The following SLC44A5 variants were observed in gnomAD, a reference collection of about 807,000 sequenced individuals.
SLC44A5 encodes the protein solute carrier family 44 member 5.
SLC44A5 carries 57 observed loss-of-function variants against 101.8 expected under a neutral mutation model. That is an observed-to-expected ratio of 0.56 (90% CI 0.45 to 0.70). SLC44A5 has a LOEUF of 0.70. Among genes scored for constraint, SLC44A5 ranks in the 30% least tolerant of loss-of-function variants. SLC44A5 has a pLI of 0.00. For synonymous variants in SLC44A5, 281 were observed against 290.9 expected (o/e 0.97, Z 0.35); for missense variants, 737 against 853.1 (o/e 0.86, Z 1.70).
chr1:75,411,025 G>A (rs531482373), intron 2 of SLC44A5, among the ~76,000 whole-genome samples: 2 of 152,174 alleles, frequency 1.3e-5, no homozygotes, highest in Admixed American at 1.3e-4. Flanking sequence ...AAATTAAAAC[G>A]TGATGATCAA....
intron 4 of SLC44A5, among the ~76,000 whole-genome samples, chr1:75,331,944 C>CTACAAAG (rs1206396485): frequency 2.0e-5 from 3 of 152,194 alleles, no homozygotes; most frequent in East Asian, 3.8e-4. Context: ...TTCCCCTCCC[C>CTACAAAG]TACAAAGGCC....
chr1:75,250,835 T>C (rs77116405), intron 7 of SLC44A5, among the ~76,000 whole-genome samples: 12,643 of 152,126 alleles, frequency 0.083, 686 homozygotes, highest in Middle Eastern at 0.15. Flanking sequence ...GGTCAAAAAA[T>C]AAATGTTATT....
the SLC44A5 span, among the ~76,000 whole-genome samples, chr1:75,617,418 T>C: frequency 6.6e-6 from 1 of 152,314 alleles, no homozygotes; most frequent in Admixed American, 6.5e-5. Flanking sequence ...TGTAACTTCG[T>C]AGCTCTGAGA....
At chr1:75,209,321 T>A (rs1248042070) in intron 23 of SLC44A5, among the ~76,000 whole-genome samples, 1 of 152,206 alleles carries the variant, frequency 6.6e-6, no homozygotes, top group Admixed American at 6.5e-5. Flanking sequence ...CATAAGTATT[T>A]TCAGCTACAA....
intron 2 of SLC44A5, among the ~76,000 whole-genome samples, chr1:75,481,365 C>T (rs1667834959): frequency 1.3e-5 from 2 of 152,124 alleles, no homozygotes; most frequent in East Asian, 3.9e-4. Flanking sequence ...ATATCTAAAA[C>T]ACCAAAAGCA....
At chr1:75,373,521 C>G (rs149346227) in intron 3 of SLC44A5, among the ~76,000 whole-genome samples, 1 of 152,174 alleles carries the variant, frequency 6.6e-6, no homozygotes, top group Admixed American at 6.5e-5. Context: ...CAAGGTGGCA[C>G]GTGGTGCAGC....
chr1:75,609,424 T>G (rs1205053855), intron 1 of SLC44A5, among the ~76,000 whole-genome samples: 1 of 152,084 alleles, frequency 6.6e-6, no homozygotes, highest in African/African-American at 2.4e-5. Context: ...ATTCATTACC[T>G]TACATTCTTA....
intron 1 of SLC44A5, among the ~76,000 whole-genome samples, chr1:75,555,458 A>G (rs1672166612): frequency 1.3e-5 from 2 of 152,022 alleles, no homozygotes; most frequent in Admixed American, 6.6e-5. Flanking sequence ...ACTAAAAAAA[A>G]GAGCAAACAA....
intron 4 of SLC44A5, among the ~76,000 whole-genome samples, chr1:75,309,688 G>A (rs940887738): frequency 6.6e-6 from 1 of 152,196 alleles, no homozygotes; most frequent in African/African-American, 2.4e-5. Context: ...ATAAGGAATA[G>A]TTATTGCCCT....
chr1:75,567,134 G>C (rs1009234046), intron 1 of SLC44A5, among the ~76,000 whole-genome samples: 3 of 151,698 alleles, frequency 2.0e-5, no homozygotes, highest in African/African-American at 7.3e-5. Context: ...CTTAGAAGTG[G>C]ATTATTTCAG....
chr1:75,480,698 G>T (rs1176059477), intron 2 of SLC44A5, among the ~76,000 whole-genome samples: 1 of 151,916 alleles, frequency 6.6e-6, no homozygotes, highest in African/African-American at 2.4e-5. Flanking sequence ...CCTTACAAGG[G>T]ATGTGAAGGA....
chr1:75,700,153 G>C, the SLC44A5 span, among the ~76,000 whole-genome samples: 1 of 152,114 alleles, frequency 6.6e-6, no homozygotes, highest in Non-Finnish European at 1.5e-5. Context: ...GCACCAAGCA[G>C]ACCTAATAGA....
the SLC44A5 span, among the ~76,000 whole-genome samples, chr1:75,643,896 A>ACATGGT: frequency 1.3e-5 from 2 of 152,210 alleles, no homozygotes; most frequent in African/African-American, 4.8e-5. Context: ...ATGTGAGTAT[A>ACATGGT]CATGGTCATT....
chr1:75,218,204 T>G (rs530364499), intron 17 of SLC44A5, among the ~76,000 whole-genome samples: 1 of 152,250 alleles, frequency 6.6e-6, no homozygotes, highest in African/African-American at 2.4e-5. Context: ...ATGTTTTTAC[T>G]GCTCAATGGA....
intron 23 of SLC44A5, among the ~76,000 whole-genome samples, chr1:75,210,374 C>G (rs1248211670): frequency 2.6e-5 from 4 of 152,090 alleles, no homozygotes; most frequent in Non-Finnish European, 5.9e-5. Flanking sequence ...AAAGAAAACC[C>G]TATTTTGTGT....
the SLC44A5 span, among the ~76,000 whole-genome samples, chr1:75,671,537 A>G: frequency 4.6e-5 from 7 of 152,368 alleles, no homozygotes; most frequent in East Asian, 1.3e-3. Flanking sequence ...TCATAAAACT[A>G]TAAGTTCTCT....
intron 10 of SLC44A5, among the ~76,000 whole-genome samples, chr1:75,238,066 A>G (rs1648266603): frequency 6.6e-6 from 1 of 151,904 alleles, no homozygotes; most frequent in Non-Finnish European, 1.5e-5. Context: ...TATGCCACCA[A>G]TACATTTCTT....
chr1:75,504,859 T>G (rs888928527), intron 2 of SLC44A5, among the ~76,000 whole-genome samples: 8 of 152,148 alleles, frequency 5.3e-5, no homozygotes, highest in Non-Finnish European at 1.2e-4. Context: ...CAACTTTTAT[T>G]TTAGATTCAA....
At chr1:75,704,642 G>C in the SLC44A5 span, among the ~76,000 whole-genome samples, 2 of 152,102 alleles carry the variant, frequency 1.3e-5, no homozygotes, top group African/African-American at 4.8e-5. Context: ...TTACTGGTTT[G>C]TATAAAAAGT....
Sources: allele counts gnomAD v4.1 joint callset (sites outside exome capture counted in the v4.1 genomes callset), GRCh38; gene constraint gnomAD v4.1.1; transcripts MANE v1.5; gene names NCBI Gene and HGNC (gene_info 2026-07-23, HGNC 2026-07-21).